The following IPMK variants were observed in gnomAD, a reference collection of about 807,000 sequenced individuals.
IPMK encodes inositol 1,3,4,6-tetrakisphosphate 5-kinase.
Under a neutral mutation model 45.8 loss-of-function variants are expected in IPMK, and 17 were observed. That is an observed-to-expected ratio of 0.37 (90% CI 0.25 to 0.56). The LOEUF (loss-of-function observed/expected upper bound fraction) is 0.56. IPMK is among the 20% of genes least tolerant of loss of function. IPMK has a pLI of 0.79. For missense variants in IPMK, 399 were observed against 498.0 expected (o/e 0.80, Z 1.89); for synonymous variants, 180 against 184.3 (o/e 0.98, Z 0.19).
chr10:58,231,066 GA>G (rs1218861087), intron 2 of IPMK, among the ~76,000 whole-genome samples: 3 of 152,222 alleles, frequency 2.0e-5, no homozygotes, highest in Non-Finnish European at 4.4e-5. Flanking sequence ...TCAAGTGGAA[GA>G]AAGGGTATTG....
At chr10:58,218,619 G>A (rs1247183312) in intron 3 of IPMK, among the ~76,000 whole-genome samples, 1 of 152,176 alleles carries the variant, frequency 6.6e-6, no homozygotes, top group Non-Finnish European at 1.5e-5. Flanking sequence ...TCTTACTGGG[G>A]TCAAGTTGTA....
intron 3 of IPMK, among the ~76,000 whole-genome samples, chr10:58,218,326 T>C (rs2790245): frequency 0.34 from 51,500 of 152,058 alleles, 10,972 homozygotes; most frequent in African/African-American, 0.61. Context: ...GGAGTTGGAA[T>C]ACACCCAAGC....
chr10:58,193,547 AAAT>A lies in IPMK; in HGVS notation c.*2526_*2528del, dbSNP rs1837846676. 1 of 151,844 alleles carries A rather than the reference AAAT, an allele frequency of 6.6e-6. No individual in the cohort carries two copies. Among genetic ancestry groups the A allele is most frequent in the Admixed American group, 6.6e-5 (1 of 15,246 alleles). The allele number at this position is 151,844 out of a possible 1,614,324, so 9.4% of individuals were successfully genotyped here. A position where few individuals can be genotyped will look rare whatever the true frequency, so the allele number is the denominator to read the frequency against. ...TCCATATTAAAATATCAATTAATGT[AAAT>A]ATTATAAAACTATTATACAATTTAA... On this transcript the variant is annotated 3_prime_UTR_variant, in exon 6 of 6. Coordinates refer to ENST00000373935, the MANE Select transcript of IPMK (RefSeq NM_152230.5).
intron 1 of IPMK, among the ~76,000 whole-genome samples, chr10:58,253,597 G>A (rs1016614948): frequency 1.3e-5 from 2 of 151,844 alleles, no homozygotes; most frequent in Admixed American, 6.6e-5. Context: ...AATTAGCTGG[G>A]CATGGTGGCA....
chr10:58,251,577 T>C (rs1354485169), intron 1 of IPMK, among the ~76,000 whole-genome samples: 1 of 152,136 alleles, frequency 6.6e-6, no homozygotes, highest in African/African-American at 2.4e-5. Flanking sequence ...AAAAGTGGGG[T>C]GTTGAAGTCT....
chr10:58,229,587 T>TAAAAAAAAAAAAAAA (rs1838478485), intron 2 of IPMK, among the ~76,000 whole-genome samples: 1 of 127,382 alleles, frequency 7.9e-6, no homozygotes, highest in Non-Finnish European at 1.7e-5. Context: ...AAAAGTAATC[T>TAAAAAAAAAAAAAAA]AAATATATTG....
At chr10:58,223,595 A>G (rs542435741) in intron 3 of IPMK, among the ~76,000 whole-genome samples, 2 of 152,312 alleles carry the variant, frequency 1.3e-5, no homozygotes, top group East Asian at 3.9e-4. Context: ...CTTGATTTCT[A>G]AACCTCATAA....
chr10:58,226,908 A>G, intron 3 of IPMK, 135 bp downstream of exon 3: 1 of 569,880 alleles, frequency 1.8e-6, no homozygotes, highest in African/African-American at 1.9e-5. Flanking sequence ...TAGTGAAAGA[A>G]AGATTAGAAA....
At chr10:58,226,014 G>T (rs1211858285) in intron 3 of IPMK, among the ~76,000 whole-genome samples, 2 of 152,058 alleles carry the variant, frequency 1.3e-5, no homozygotes, top group African/African-American at 4.8e-5. Context: ...AAGGAATTAA[G>T]GGAGGAAGGA....
At chr10:58,209,736 A>G (rs896014370) in intron 4 of IPMK, among the ~76,000 whole-genome samples, 9 of 152,202 alleles carry the variant, frequency 5.9e-5, no homozygotes, top group Non-Finnish European at 8.8e-5. Context: ...TTATGCTAGC[A>G]GTGAAGTTGT....
chr10:58,218,062 T>C (rs1214493146), intron 3 of IPMK, among the ~76,000 whole-genome samples: 1 of 152,172 alleles, frequency 6.6e-6, no homozygotes, highest in Non-Finnish European at 1.5e-5. Context: ...AGAGATACTT[T>C]TTATGCTTTA....
At chr10:58,263,938 TACAAATGAAAGGAC>T (rs1181930572) in intron 1 of IPMK, among the ~76,000 whole-genome samples, 42 of 152,324 alleles carry the variant, frequency 2.8e-4, no homozygotes, top group African/African-American at 1.0e-3. Context: ...GAGGATATGT[TACAAATGAAAGGAC>T]ACTAAAAGAC....
At chr10:58,223,185 T>A (rs1838362822) in intron 3 of IPMK, among the ~76,000 whole-genome samples, 1 of 152,224 alleles carries the variant, frequency 6.6e-6, no homozygotes, top group Non-Finnish European at 1.5e-5. Context: ...TACACAAGGT[T>A]ACTATGAATG....
intron 3 of IPMK, among the ~76,000 whole-genome samples, chr10:58,218,162 A>G (rs1838277281): frequency 6.6e-6 from 1 of 152,228 alleles, no homozygotes; most frequent in South Asian, 2.1e-4. Flanking sequence ...AGTCCAAGGG[A>G]GAAGCACTGA....
intron 1 of IPMK, among the ~76,000 whole-genome samples, chr10:58,260,332 G>C (rs1839044532): frequency 6.6e-6 from 1 of 152,212 alleles, no homozygotes; most frequent in African/African-American, 2.4e-5. Flanking sequence ...GAAATGCAAT[G>C]TGTGATCCTG....
intron 4 of IPMK, chr10:58,212,741 T>C (rs80258040): frequency 0.037 from 8,412 of 229,952 alleles, 236 homozygotes; most frequent in African/African-American, 0.066. Context: ...TTGCCTTTGA[T>C]TGTTTTCATG....
chr10:58,236,948 T>C (rs1343610970), intron 2 of IPMK, among the ~76,000 whole-genome samples: 1 of 152,176 alleles, frequency 6.6e-6, no homozygotes, highest in Non-Finnish European at 1.5e-5. Flanking sequence ...CACACGCCTG[T>C]AGTTTCAGCC....
At chr10:58,212,783 T>C in intron 4 of IPMK, 1 of 225,212 alleles carries the variant, frequency 4.4e-6, no homozygotes, top group South Asian at 7.1e-5. Context: ...TAGGTGTTTT[T>C]TGTGAAGCTG....
Position 58,227,158 on chromosome 10 carries a change from A to C in IPMK, c.277-19T>G. On this transcript the variant is annotated intron_variant, in intron 2 of 5. Transcript: ENST00000373935. ...CATAAACCTGAAACAGAGAAATATA[A>C]CATTGCTAGATTCTTACAATGCTTT... 6.5e-7 allele frequency: 1 copy of C among 1,530,908 alleles called. No individual in the cohort carries two copies. Among genetic ancestry groups the C allele is most frequent in the East Asian group, 2.3e-5 (1 of 44,286 alleles). The allele number at this position is 1,530,908 out of a possible 1,614,324, so 94.8% of individuals were successfully genotyped here. A position where few individuals can be genotyped will look rare whatever the true frequency, so the allele number is the denominator to read the frequency against.
Sources: allele counts gnomAD v4.1 joint callset (sites outside exome capture counted in the v4.1 genomes callset), GRCh38; gene constraint gnomAD v4.1.1; transcripts MANE v1.5; gene names NCBI Gene and HGNC (gene_info 2026-07-23, HGNC 2026-07-21).